PALLD: variants seen among roughly 807,000 people sequenced by gnomAD.
The protein encoded by PALLD is palladin, cytoskeletal associated protein.
A neutral mutation model predicts 123.5 loss-of-function variants in PALLD; 61 were observed. That is an observed-to-expected ratio of 0.49 (90% CI 0.40 to 0.61). PALLD has a LOEUF of 0.61. Ranked by LOEUF, PALLD falls within the 20% of genes least tolerant of loss-of-function variation. The pLI is 0.00. For missense variants in PALLD, 1,273 were observed against 1,377.0 expected, an observed-to-expected ratio of 0.92 and a Z score of 1.20; for synonymous variants, 465 against 496.4, an observed-to-expected ratio of 0.94 and a Z score of 0.84.
intron 10 of PALLD, among the ~76,000 whole-genome samples, chr4:168,800,158 T>C (rs909108716): frequency 9.9e-5 from 15 of 152,240 alleles, no homozygotes; most frequent in African/African-American, 3.1e-4. Context: ...TTTATGCTTC[T>C]GTTTTATAAG....
chr4:168,704,052 A>T (rs1459162734), intron 8 of PALLD, among the ~76,000 whole-genome samples: 1 of 152,148 alleles, frequency 6.6e-6, no homozygotes, highest in African/African-American at 2.4e-5. Context: ...TCAATGGAAC[A>T]GAACAGAGCC....
At chr4:168,585,224 T>C (rs1306680290) in intron 2 of PALLD, among the ~76,000 whole-genome samples, 1 of 152,208 alleles carries the variant, frequency 6.6e-6, no homozygotes, top group African/African-American at 2.4e-5. Flanking sequence ...AGTGGTTTTA[T>C]AACCATTATC....
chr4:168,873,466 C>T (rs1177778135), intron 10 of PALLD, among the ~76,000 whole-genome samples: 1 of 152,158 alleles, frequency 6.6e-6, no homozygotes, highest in Non-Finnish European at 1.5e-5. Flanking sequence ...ATTACGAATA[C>T]CCCATCTTTA....
In PALLD at chr4:168,893,642, G is replaced by A. The variant is rs75127790; in HGVS notation, c.2101-937G>A. Among the ~76,000 whole-genome samples, 25 of 152,232 alleles carry A rather than the reference G, an allele frequency of 1.6e-4. No homozygotes were observed. The East Asian group carries it at 2.9e-3, about 18-fold the overall frequency. ...AAACACTTGCTTATAAAATGCTCCC[G>A]ATGAGGCAGGTGGTATCTGAAAGTT... is the stretch of plus-strand genomic sequence containing the variant. On this transcript the variant is annotated intron_variant, in intron 11 of 21. Coordinates refer to ENST00000505667, the MANE Select transcript of PALLD (RefSeq NM_001166108.2).
chr4:168,525,345 A>G (rs1763942611), intron 2 of PALLD, among the ~76,000 whole-genome samples: 1 of 152,260 alleles, frequency 6.6e-6, no homozygotes, highest in Admixed American at 6.5e-5. Flanking sequence ...TTAACTTTGG[A>G]ACGAGAGATT....
chr4:168,831,901 G>A (rs1744259789), intron 10 of PALLD: 1 of 634,304 alleles, frequency 1.6e-6, no homozygotes, highest in African/African-American at 2.0e-5. Flanking sequence ...CAAAGGGCGG[G>A]ACAAGGTTAC....
intron 2 of PALLD, among the ~76,000 whole-genome samples, chr4:168,552,995 G>T (rs945297619): frequency 6.6e-6 from 1 of 152,022 alleles, no homozygotes; most frequent in Non-Finnish European, 1.5e-5. Context: ...TAAGCATTGT[G>T]CTAATACTTC....
In PALLD at chr4:168,906,591, CAATTAT is replaced by C. The variant is rs578036032; in HGVS notation, c.2622+2690_2622+2695del. The stretch of plus-strand genomic sequence containing the variant: ...TCACATTGTACCCCACAAATATATA[CAATTAT>C]AATTTATCAATTAGAATAAAAAAGA... On this transcript the variant is annotated intron_variant, in intron 15 of 21. Transcript: ENST00000505667. Among the ~76,000 whole-genome samples, 424 of 152,202 alleles carry C rather than the reference CAATTAT, an allele frequency of 2.8e-3. 7 individuals are homozygous for C. The highest frequency in any genetic ancestry group is 3.9e-3 in the Non-Finnish European group (267 of 68,018).
chr4:168,704,276 A>C (rs1784003157), intron 8 of PALLD, among the ~76,000 whole-genome samples: 1 of 152,196 alleles, frequency 6.6e-6, no homozygotes, highest in Non-Finnish European at 1.5e-5. Context: ...AAACCATAAA[A>C]ACCCTAGAAG....
At chr4:168,678,569 G>A (rs1359300089) in intron 3 of PALLD, among the ~76,000 whole-genome samples, 1 of 152,114 alleles carries the variant, frequency 6.6e-6, no homozygotes, top group Non-Finnish European at 1.5e-5. Flanking sequence ...CTAAGGTACA[G>A]GCATGGAAAA....
chr4:168,558,731 G>T (rs2712151), intron 2 of PALLD, among the ~76,000 whole-genome samples: 369 of 152,266 alleles, frequency 2.4e-3, no homozygotes, highest in African/African-American at 7.6e-3. Flanking sequence ...GACCAGAGGA[G>T]CCCCATTCTA....
At chr4:168,888,756 C>T (rs533349689) in intron 10 of PALLD, among the ~76,000 whole-genome samples, 1 of 151,382 alleles carries the variant, frequency 6.6e-6, no homozygotes, top group East Asian at 1.9e-4. Flanking sequence ...TAATTACCCC[C>T]TGAGTCTGGG....
intron 2 of PALLD, among the ~76,000 whole-genome samples, chr4:168,629,760 G>A (rs1265170248): frequency 1.3e-5 from 2 of 152,168 alleles, no homozygotes; most frequent in African/African-American, 4.8e-5. Flanking sequence ...CAAATGGGCA[G>A]GCACATCACA....
At chr4:168,769,775 CCAGAGGG>C (rs1377703573) in intron 10 of PALLD, among the ~76,000 whole-genome samples, 1 of 152,130 alleles carries the variant, frequency 6.6e-6, no homozygotes, top group East Asian at 1.9e-4. Context: ...GTTGAAAGGG[CCAGAGGG>C]CAGGAGGGAT....
At chr4:168,601,400 A>G (rs1324149725) in intron 2 of PALLD, among the ~76,000 whole-genome samples, 1 of 152,124 alleles carries the variant, frequency 6.6e-6, no homozygotes, top group Non-Finnish European at 1.5e-5. Flanking sequence ...ATAAACTTCA[A>G]TGCGTAGAAT....
chr4:168,525,027 T>C (rs2149465160), intron 2 of PALLD, among the ~76,000 whole-genome samples: 1 of 152,268 alleles, frequency 6.6e-6, no homozygotes, highest in South Asian at 2.1e-4. Context: ...TGACTTGTAA[T>C]CCGTTATAGT....
At chr4:168,786,382 T>G (rs1736766612) in intron 10 of PALLD, among the ~76,000 whole-genome samples, 1 of 151,928 alleles carries the variant, frequency 6.6e-6, no homozygotes, top group Admixed American at 6.6e-5. Flanking sequence ...GGCATAGAAA[T>G]ATGTTTACCT....
intron 3 of PALLD, among the ~76,000 whole-genome samples, chr4:168,668,805 A>C (rs1472004717): frequency 6.6e-6 from 1 of 152,150 alleles, no homozygotes; most frequent in Non-Finnish European, 1.5e-5. Context: ...CTCTTTTGTT[A>C]AGACCCCATT....
At chr4:168,652,453 A>G (rs1225153471) in intron 2 of PALLD, among the ~76,000 whole-genome samples, 1 of 152,198 alleles carries the variant, frequency 6.6e-6, no homozygotes, top group Non-Finnish European at 1.5e-5. Flanking sequence ...GTAATTTTCT[A>G]ACACATTTTT....
Sources: allele counts gnomAD v4.1 joint callset (sites outside exome capture counted in the v4.1 genomes callset), GRCh38; gene constraint gnomAD v4.1.1; transcripts MANE v1.5; gene names NCBI Gene and HGNC (gene_info 2026-07-23, HGNC 2026-07-21).